Variants in C2CD3 observed in about 807,000 individuals in gnomAD.
The protein encoded by C2CD3 is C2 domain containing 3 centriole elongation regulator.
In C2CD3, 148 loss-of-function variants were observed where a neutral mutation model predicts 234.0. That is an observed-to-expected ratio of 0.63 (90% CI 0.55 to 0.72). The LOEUF is 0.72. C2CD3 is among the 30% of genes least tolerant of loss of function. The pLI is 0.00. For missense variants in C2CD3, 2,577 were observed against 2,811.5 expected (o/e 0.92, Z 1.89); for synonymous variants, 1,000 against 1,035.4 (o/e 0.97, Z 0.66).
At chr11:74,040,899 C>T (rs540701240) in intron 29 of C2CD3, among the ~76,000 whole-genome samples, 159 of 146,294 alleles carry the variant, frequency 1.1e-3, no homozygotes, top group African/African-American at 4.1e-3. Flanking sequence ...ATCTATCACA[C>T]ACACACACGC....
intron 24 of C2CD3, among the ~76,000 whole-genome samples, chr11:74,069,013 G>C (rs2135454309): frequency 6.6e-6 from 1 of 152,302 alleles, no homozygotes; most frequent in South Asian, 2.1e-4. Context: ...GGCCAGGCTG[G>C]TTTTGAACTC....
Position 74,057,508 on chromosome 11 carries a change from C to G in C2CD3, c.4988G>C (p.Ser1663Thr). Reference protein sequence around the residue: ...PLTERKVSIPSCCVSFATADE... With the variant: ...PLTERKVSIPTCCVSFATADE... Reference sequence around the variant, plus strand: ...GGCTGTTGCAAAGGATACACAACAACTGGGTATCGATACTTTCCGCTCTGT... The same window carrying G: ...GGCTGTTGCAAAGGATACACAACAAGTGGGTATCGATACTTTCCGCTCTGT... Residue 1663 changes from serine to threonine, a missense_variant, in exon 25 of 33, where the codon AGT becomes ACT. By Grantham distance (58) the Ser-to-Thr change is moderately conservative (BLOSUM62 1). Transcript: ENST00000334126. 1 of 1,613,918 alleles carries G rather than the reference C, an allele frequency of 6.2e-7. No homozygotes were observed. The highest frequency in any genetic ancestry group is 2.2e-5 in the East Asian group (1 of 44,878).
intron 31 of C2CD3, among the ~76,000 whole-genome samples, chr11:74,029,070 T>G (rs1952418981): frequency 1.3e-5 from 2 of 152,232 alleles, no homozygotes; most frequent in Admixed American, 1.3e-4. Context: ...TGGTCCAATC[T>G]GGATGTGAGC....
chr11:74,036,769 T>C (rs1952766313), intron 30 of C2CD3, among the ~76,000 whole-genome samples: 1 of 152,166 alleles, frequency 6.6e-6, no homozygotes. Context: ...GGGTGATTCT[T>C]ATGCTCAGGC....
chr11:74,113,847 G>A lies in C2CD3; in HGVS notation c.1776C>T (p.Ser592=), dbSNP rs751170568. Residue 592 remains serine (S), a synonymous_variant, in exon 11 of 33, where the codon AGC becomes AGT. Coordinates refer to ENST00000334126, the MANE Select transcript of C2CD3 (RefSeq NM_001286577.2). ...EYHFPVGFSE[S]GLGKTALITE... ...TGATCAAAGCTGTCTTTCCCAATCC[G>A]CTTTCCGAAAAGCCCACAGGAAAGT... is the stretch of plus-strand genomic sequence containing the variant. The A allele has an allele frequency of 1.4e-5, 23 of 1,606,864 alleles. No individual in the cohort carries two copies. The highest frequency in any genetic ancestry group is 1.8e-5 in the Non-Finnish European group (21 of 1,177,972).
chr11:74,095,573 G>A (rs1956075161), intron 16 of C2CD3, among the ~76,000 whole-genome samples, 165 bp from the exon 17 acceptor site: 1 of 152,198 alleles, frequency 6.6e-6, no homozygotes, highest in Admixed American at 6.5e-5. Flanking sequence ...CTCACTGTAA[G>A]TAGGCTAAAC....
Position 74,093,968 on chromosome 11 carries a change from G to C in C2CD3, c.3192C>G (p.Thr1064=), listed in dbSNP as rs1267732225. The C allele has an allele frequency of 6.2e-7, 1 of 1,613,840 alleles. No individual in the cohort carries two copies. The highest frequency in any genetic ancestry group is 1.1e-5 in the South Asian group (1 of 91,032). The change falls in exon 18 of 33, where the codon ACC becomes ACG. Residue 1064 remains threonine, a synonymous_variant. Coordinates refer to ENST00000334126, the MANE Select transcript of C2CD3 (RefSeq NM_001286577.2). ...AGATGGGATCTGGAACACAGAGTGTGGTTGCAGTTCTGAAGGGCTTCAGAG... is the reference window on the plus strand; with the variant it reads ...AGATGGGATCTGGAACACAGAGTGTCGTTGCAGTTCTGAAGGGCTTCAGAG... ...GITLKPFRTA[T]TLCVPDPIFN...
chr11:74,101,022 C>T (rs910105011), intron 14 of C2CD3, among the ~76,000 whole-genome samples: 1 of 152,194 alleles, frequency 6.6e-6, no homozygotes, highest in Admixed American at 6.5e-5. Flanking sequence ...GTAAACCCCA[C>T]TGAAAGAAAG....
Position 74,078,155 on chromosome 11 carries a change from G to A in C2CD3, c.4563C>T (p.Ala1521=). The change falls in exon 23 of 33, where the codon GCC becomes GCT. Residue 1521 remains alanine (A), a synonymous_variant. Coordinates refer to ENST00000334126, the MANE Select transcript of C2CD3 (RefSeq NM_001286577.2). ...TCCTCGCTGACCTCTCCCCAAGTCTGGCCAGGTCCACATAGGCTGAGCCAA... is the reference window on the plus strand; with the variant it reads ...TCCTCGCTGACCTCTCCCCAAGTCTAGCCAGGTCCACATAGGCTGAGCCAA... ...SWIGSAYVDL[A]RLGERSARTL... 1.2e-6 allele frequency: 2 copies of A among 1,613,866 alleles called. No individual in the cohort carries two copies. Among genetic ancestry groups the A allele is most frequent in the Non-Finnish European group, 1.7e-6 (2 of 1,179,970 alleles).
intron 32 of C2CD3, among the ~76,000 whole-genome samples, chr11:74,017,313 C>T (rs955050360): frequency 2.6e-5 from 4 of 152,180 alleles, no homozygotes; most frequent in Admixed American, 6.5e-5. Context: ...GACCGGGTGT[C>T]AAGCACGGCA....
At chr11:74,021,996 C>T (rs189435761) in intron 32 of C2CD3, among the ~76,000 whole-genome samples, 45 of 152,156 alleles carry the variant, frequency 3.0e-4, no homozygotes, top group African/African-American at 5.8e-4. Flanking sequence ...CGTGATGGCA[C>T]GCGCCTATAA....
chr11:74,024,055 CT>C (rs1173884958), intron 32 of C2CD3, among the ~76,000 whole-genome samples: 4 of 152,210 alleles, frequency 2.6e-5, no homozygotes, highest in African/African-American at 4.8e-5. Context: ...TCCTCCTCCC[CT>C]ATCCCATTCC....
At chr11:74,056,118 C>T (rs962740044) in intron 25 of C2CD3, among the ~76,000 whole-genome samples, 5 of 152,316 alleles carry the variant, frequency 3.3e-5, no homozygotes, top group African/African-American at 1.2e-4. Flanking sequence ...CCTGACTCAT[C>T]CCAGCCTCTC....
chr11:74,075,355 G>A (rs549398227), intron 23 of C2CD3, among the ~76,000 whole-genome samples: 12 of 47,578 alleles, frequency 2.5e-4, no homozygotes, highest in African/African-American at 5.8e-4. Flanking sequence ...ACTAGGGTTC[G>A]GGCGATATTT....
intron 3 of C2CD3, among the ~76,000 whole-genome samples, chr11:74,144,565 A>G (rs1855036871): frequency 6.6e-6 from 1 of 152,068 alleles, no homozygotes; most frequent in African/African-American, 2.4e-5. Flanking sequence ...TAAGCACAGT[A>G]CCCGACAGGT....
intron 20 of C2CD3, among the ~76,000 whole-genome samples, chr11:74,088,020 T>C (rs1955718593): frequency 6.6e-6 from 1 of 152,114 alleles, no homozygotes; most frequent in Non-Finnish European, 1.5e-5. Flanking sequence ...AGAAGACTAA[T>C]TTACAGCACC....
At chr11:74,119,789 C>A (rs142608649) in intron 8 of C2CD3, among the ~76,000 whole-genome samples, 21 of 152,066 alleles carry the variant, frequency 1.4e-4, no homozygotes, top group African/African-American at 5.1e-4. Flanking sequence ...GAATGTGCCA[C>A]CATATCTGGC....
intron 1 of C2CD3, among the ~76,000 whole-genome samples, chr11:74,169,789 C>A (rs180955058): frequency 2.0e-5 from 3 of 152,316 alleles, no homozygotes; most frequent in Admixed American, 1.3e-4. Flanking sequence ...TCCTATCTTT[C>A]CTGGCAGGAA....
At chr11:74,074,153 G>A (rs1954922806) in intron 24 of C2CD3, 100 bp downstream of exon 24, 2 of 800,196 alleles carry the variant, frequency 2.5e-6, no homozygotes, top group Admixed American at 5.7e-5. Flanking sequence ...TTTATCAGTT[G>A]AGATAATTAA....
Sources: allele counts gnomAD v4.1 joint callset (sites outside exome capture counted in the v4.1 genomes callset), GRCh38; gene constraint gnomAD v4.1.1; transcripts MANE v1.5; gene names NCBI Gene and HGNC (gene_info 2026-07-23, HGNC 2026-07-21).